Variants in SLC7A9 observed in about 807,000 individuals in gnomAD.
The protein encoded by SLC7A9 is B(0,+)-type amino acid transporter 1.
A neutral mutation model predicts 54.1 loss-of-function variants in SLC7A9; 38 were observed. That is an observed-to-expected ratio of 0.70 (90% confidence interval 0.54 to 0.92). SLC7A9 has a LOEUF of 0.92. Among genes scored for constraint, SLC7A9 ranks in the 40% least tolerant of loss-of-function variants. The probability of loss-of-function intolerance (pLI) is 0.00; values close to 1 mark genes in which losing one functional copy is unlikely to be tolerated. For synonymous variants in SLC7A9, 264 were observed against 258.9 expected (o/e 1.02, Z -0.19); for missense variants, 537 against 636.1 (o/e 0.84, Z 1.68).
intron 9 of SLC7A9, among the ~76,000 whole-genome samples, chr19:32,847,214 G>GCA (rs1968324948): frequency 6.6e-6 from 1 of 152,178 alleles, no homozygotes; most frequent in Non-Finnish European, 1.5e-5. Flanking sequence ...GAGAGAAGAA[G>GCA]GCTTCAGACG....
intron 11 of SLC7A9, among the ~76,000 whole-genome samples, chr19:32,840,308 G>A (rs1968093387): frequency 6.6e-6 from 1 of 152,040 alleles, no homozygotes; most frequent in African/African-American, 2.4e-5. Flanking sequence ...AAATAGCTGG[G>A]ACTATAGGCG....
chr19:32,846,683 C>G (rs949013966), intron 9 of SLC7A9, among the ~76,000 whole-genome samples: 1 of 152,236 alleles, frequency 6.6e-6, no homozygotes, highest in African/African-American at 2.4e-5. Context: ...GTTCTCCCAG[C>G]ACACAGCTGG....
In SLC7A9 at chr19:32,864,313, G is replaced by A; in HGVS notation, c.261C>T (p.Gly87=). 6.2e-7 allele frequency: 1 copy of A among 1,613,992 alleles called. No homozygotes were observed. The highest frequency in any genetic ancestry group is 8.5e-7 in the Non-Finnish European group (1 of 1,180,012). ...CTCCCCCTGACTTGGTGATCATTGT[G>A]CCAAGCTCCGCAAAGCACAGGGCAC... is the stretch of plus-strand genomic sequence containing the variant. The part of the protein sequence containing the change: ...TLGALCFAEL[G]TMITKSGGEY... Residue 87 remains glycine, a synonymous_variant, in exon 4 of 13, where the codon GGC becomes GGT. Coordinates refer to ENST00000023064, the MANE Select transcript of SLC7A9 (RefSeq NM_014270.5).
At chr19:32,863,684 C>G (rs1319527262) in intron 4 of SLC7A9, among the ~76,000 whole-genome samples, 2 of 152,208 alleles carry the variant, frequency 1.3e-5, no homozygotes, top group Non-Finnish European at 2.9e-5. Context: ...CCACCAGCCA[C>G]CATATCATCT....
chr19:32,855,505 C>G (rs889520203), intron 9 of SLC7A9, among the ~76,000 whole-genome samples: 16 of 152,124 alleles, frequency 1.1e-4, no homozygotes, highest in Non-Finnish European at 1.8e-4. Context: ...CAAGACCATC[C>G]TGGCAAACAC....
At chr19:32,868,249 AAG>A (rs1555785926) in intron 2 of SLC7A9, among the ~76,000 whole-genome samples, 197 bp downstream of exon 2, 3 of 147,518 alleles carry the variant, frequency 2.0e-5, no homozygotes, top group Non-Finnish European at 4.5e-5. Flanking sequence ...AAAAAAAAAA[AAG>A]AAGATGCAGA....
rs1404387862 is a variant in SLC7A9, at chr19:32,860,497, C to T, written c.749+109G>A. ...AAAAAAAAAAAAAAGAAATAATTCACTGTCGGGAAGGGCATCATGGAATAC... is the reference window on the plus strand; with the variant it reads ...AAAAAAAAAAAAAAGAAATAATTCATTGTCGGGAAGGGCATCATGGAATAC... On this transcript the variant is annotated intron_variant, in intron 7 of 12. Transcript: ENST00000023064. 7 of 1,551,670 alleles carry T rather than the reference C, an allele frequency of 4.5e-6. No individual in the cohort carries two copies. In the East Asian group the frequency reaches 6.9e-5, roughly 15 times the overall value.
chr19:32,858,653 C>T (rs185291963), intron 8 of SLC7A9, 110 bp from the exon 9 acceptor site: 160 of 771,538 alleles, frequency 2.1e-4, no homozygotes, highest in African/African-American at 1.5e-3. Flanking sequence ...CACCTCGCCT[C>T]GGGGCACAGC....
intron 4 of SLC7A9, chr19:32,863,138 G>A (rs983215972): frequency 6.6e-6 from 1 of 152,522 alleles, no homozygotes; most frequent in Non-Finnish European, 1.5e-5. Context: ...TTGAGATGGA[G>A]TCTCACTCTG....
chr19:32,838,529 A>ATATAT (rs368294902), intron 11 of SLC7A9, among the ~76,000 whole-genome samples: 16,860 of 147,982 alleles, frequency 0.11, 1,075 homozygotes, highest in Middle Eastern at 0.16. Context: ...ATTTAATGCT[A>ATATAT]TATATATTTG....
At chr19:32,841,991 G>A (rs1472371590) in intron 11 of SLC7A9, among the ~76,000 whole-genome samples, 177 bp downstream of exon 11, 2 of 152,176 alleles carry the variant, frequency 1.3e-5, no homozygotes, top group African/African-American at 4.8e-5. Context: ...TGAATAACAA[G>A]GTGGCTAACT....
At chr19:32,866,438 T>C (rs1968973645) in intron 2 of SLC7A9, among the ~76,000 whole-genome samples, 1 of 152,140 alleles carries the variant, frequency 6.6e-6, no homozygotes, top group Non-Finnish European at 1.5e-5. Flanking sequence ...ATTTTTGGTT[T>C]TTAGAGTCAG....
rs754575013 is a variant in SLC7A9, at chr19:32,868,510, G to A, written c.25C>T (p.Arg9Trp). 33 of 1,613,824 alleles carry A rather than the reference G, an allele frequency of 2.0e-5. No homozygotes were observed. Among genetic ancestry groups the A allele is most frequent in the South Asian group, 1.6e-4 (15 of 91,076 alleles). ...TGGATCGACTTCTCATCCTCTCTCC[G>A]CTTTCTCAGGCCAGTATCCCCCATG... MGDTGLRK[R>W]REDEKSIQSQ... Residue 9 changes from arginine to tryptophan, a missense_variant, in exon 2 of 13, where the codon CGG becomes TGG. Coordinates refer to ENST00000023064, the MANE Select transcript of SLC7A9 (RefSeq NM_014270.5).
intron 9 of SLC7A9, among the ~76,000 whole-genome samples, chr19:32,844,635 G>T (rs1349421167): frequency 6.6e-6 from 1 of 152,018 alleles, no homozygotes; most frequent in Non-Finnish European, 1.5e-5. Flanking sequence ...TTCGAGACCA[G>T]TCTGGCCAAC....
In SLC7A9 at chr19:32,854,010, A is replaced by ATT. The variant is rs552766727; in HGVS notation, c.977+4428_977+4429dup. 2.7e-3 allele frequency among the ~76,000 whole-genome samples: 389 copies of ATT among 143,094 alleles called. 2 individuals are homozygous for ATT. Among genetic ancestry groups the ATT allele is most frequent in the African/African-American group, 9.0e-3 (352 of 39,250 alleles). 93.9% of individuals were successfully genotyped at this position (143,094 alleles called of 152,430 possible). ...CCACCCATGGATTGGAAGACTCAGT[A>ATT]TTTTTTTTTTTTTTGGAGACAAGGT... On this transcript the variant is annotated intron_variant, in intron 9 of 12. Coordinates refer to ENST00000023064, the MANE Select transcript of SLC7A9 (RefSeq NM_014270.5).
intron 9 of SLC7A9, 43 bp from the exon 10 acceptor site, chr19:32,843,994 C>A: frequency 1.4e-6 from 2 of 1,453,202 alleles, no homozygotes; most frequent in Non-Finnish European, 1.9e-6. Flanking sequence ...AGAGTGCAGA[C>A]CATCTGTCCA....
chr19:32,830,800 A>T (rs887531018), intron 12 of SLC7A9, 116 bp from the exon 13 acceptor site: 4 of 775,902 alleles, frequency 5.2e-6, no homozygotes, highest in Non-Finnish European at 8.6e-6. Flanking sequence ...CGTCACCTAG[A>T]CCCTGTGCTC....
At chr19:32,848,165 G>A (rs370021417) in intron 9 of SLC7A9, among the ~76,000 whole-genome samples, 9 of 152,190 alleles carry the variant, frequency 5.9e-5, no homozygotes, top group Admixed American at 1.3e-4. Flanking sequence ...CATAATGACA[G>A]GACCAAATTC....
At chr19:32,845,986 A>T (rs1040852982) in intron 9 of SLC7A9, among the ~76,000 whole-genome samples, 2 of 152,236 alleles carry the variant, frequency 1.3e-5, no homozygotes, top group Admixed American at 1.3e-4. Context: ...CCTGGATGAC[A>T]GAGTGAGACT....
Sources: allele counts gnomAD v4.1 joint callset (sites outside exome capture counted in the v4.1 genomes callset), GRCh38; gene constraint gnomAD v4.1.1; transcripts MANE v1.5; gene names NCBI Gene and HGNC (gene_info 2026-07-23, HGNC 2026-07-21).